SEMA6D: variants seen among roughly 807,000 people sequenced by gnomAD.
SEMA6D encodes semaphorin-6D.
Under a neutral mutation model 106.6 loss-of-function variants are expected in SEMA6D, and 35 were observed. The observed-to-expected ratio is 0.33, with a 90% CI of 0.25 to 0.44. The LOEUF is 0.44. Ranked by LOEUF, SEMA6D falls within the 20% of genes least tolerant of loss-of-function variation. The pLI, the probability that SEMA6D is intolerant of heterozygous loss-of-function variation, is 1.00. For synonymous variants in SEMA6D, 499 were observed against 487.7 expected (o/e 1.02, Z -0.31); for missense variants, 1,185 against 1,345.9 (o/e 0.88, Z 1.87).
chr15:47,354,375 A>G (rs930079500), intron 1 of SEMA6D, among the ~76,000 whole-genome samples: 4 of 107,910 alleles, frequency 3.7e-5, no homozygotes, highest in Non-Finnish European at 5.8e-5. Flanking sequence ...GAAAGCTTAT[A>G]TATATATATA....
At chr15:47,648,091 G>A (rs2077615551) in intron 4 of SEMA6D, among the ~76,000 whole-genome samples, 1 of 152,134 alleles carries the variant, frequency 6.6e-6, no homozygotes, top group African/African-American at 2.4e-5. Context: ...GATACTGTAT[G>A]TCTTTTTATG....
chr15:47,721,056 T>C (rs2079395028), intron 1 of SEMA6D, among the ~76,000 whole-genome samples: 3 of 152,222 alleles, frequency 2.0e-5, no homozygotes, highest in Non-Finnish European at 1.5e-5. Flanking sequence ...CTAGGCAGTA[T>C]TTACTGAATA....
intron 2 of SEMA6D, among the ~76,000 whole-genome samples, chr15:47,422,344 C>T (rs2041198991): frequency 1.3e-5 from 2 of 151,842 alleles, no homozygotes; most frequent in Non-Finnish European, 2.9e-5. Context: ...AATGAAACTC[C>T]AAACAGTAGA....
intron 4 of SEMA6D, among the ~76,000 whole-genome samples, chr15:47,634,178 TTC>T (rs2077340533): frequency 6.6e-6 from 1 of 152,146 alleles, no homozygotes; most frequent in African/African-American, 2.4e-5. Flanking sequence ...ATGTTTAACT[TTC>T]TGTTGGGCAC....
chr15:47,251,907 A>ATTTTTTTTTT (rs994788645), intron 1 of SEMA6D, among the ~76,000 whole-genome samples: 1 of 81,998 alleles, frequency 1.2e-5, no homozygotes, highest in East Asian at 5.1e-4. Flanking sequence ...TTCTAATTGG[A>ATTTTTTTTTT]TTTTTTTTTT....
Position 47,701,447 on chromosome 15 carries a change from A to T in SEMA6D, c.-54-58298A>T, listed in dbSNP as rs545398837. On this transcript the variant is annotated intron_variant, in intron 4 of 19. Transcript: ENST00000558014. ...ATACGTTCACTATATTTATTGTACAACATGGTGACTATAGTTAATAACAAT... is the reference window on the plus strand; with the variant it reads ...ATACGTTCACTATATTTATTGTACATCATGGTGACTATAGTTAATAACAAT... 9.2e-5 allele frequency among the ~76,000 whole-genome samples: 14 copies of T among 152,296 alleles called. No homozygotes were observed. The South Asian group carries it at 2.9e-3, about 32-fold the overall frequency.
intron 4 of SEMA6D, among the ~76,000 whole-genome samples, chr15:47,650,359 G>A (rs1596533182): frequency 6.6e-6 from 1 of 152,320 alleles, no homozygotes; most frequent in East Asian, 1.9e-4. Context: ...CTCTGTCCAA[G>A]AAACCGCTAT....
At chr15:47,309,223 T>C (rs2143014473) in intron 1 of SEMA6D, among the ~76,000 whole-genome samples, 1 of 152,360 alleles carries the variant, frequency 6.6e-6, no homozygotes, top group South Asian at 2.1e-4. Context: ...AAATATTAAA[T>C]GGAAATTCCA....
chr15:47,341,282 C>T (rs769138615), intron 1 of SEMA6D, among the ~76,000 whole-genome samples: 4 of 151,970 alleles, frequency 2.6e-5, no homozygotes, highest in African/African-American at 4.8e-5. Context: ...CCCAGCTACT[C>T]AGGAGGCTGA....
intron 1 of SEMA6D, among the ~76,000 whole-genome samples, chr15:47,358,211 A>C (rs1381455042): frequency 6.6e-6 from 1 of 152,170 alleles, no homozygotes; most frequent in Non-Finnish European, 1.5e-5. Context: ...AAGTCTTTGA[A>C]TAAAATGATG....
intron 1 of SEMA6D, among the ~76,000 whole-genome samples, chr15:47,306,387 C>A (rs1185819140): frequency 6.6e-6 from 1 of 152,034 alleles, no homozygotes; most frequent in Non-Finnish European, 1.5e-5. Context: ...AATATGTATT[C>A]ATTGTGAAAA....
intron 4 of SEMA6D, among the ~76,000 whole-genome samples, chr15:47,618,584 G>A (rs2077046369): frequency 6.6e-6 from 1 of 152,168 alleles, no homozygotes; most frequent in South Asian, 2.1e-4. Flanking sequence ...AGGGATTTTT[G>A]TGTGTTTTTC....
chr15:47,244,864 G>A (rs919189520), intron 1 of SEMA6D, among the ~76,000 whole-genome samples: 71 of 152,032 alleles, frequency 4.7e-4, no homozygotes, highest in African/African-American at 1.7e-3. Flanking sequence ...TCCCCCTCGC[G>A]GTAGTTCCAG....
intron 1 of SEMA6D, among the ~76,000 whole-genome samples, chr15:47,208,790 C>T (rs1034027746): frequency 3.3e-5 from 5 of 152,116 alleles, no homozygotes; most frequent in African/African-American, 1.2e-4. Context: ...TTCTGACTAC[C>T]AGATTGGTCT....
intron 1 of SEMA6D, among the ~76,000 whole-genome samples, chr15:47,282,324 C>G (rs896568332): frequency 1.3e-5 from 2 of 151,920 alleles, no homozygotes; most frequent in African/African-American, 4.8e-5. Context: ...GCAGTATGTG[C>G]TCTTTGTGTC....
rs145950107 is a variant in SEMA6D at position 47,666,868 on chromosome 15, C to T, written c.-55+65972C>T. 6.7e-3 allele frequency among the ~76,000 whole-genome samples: 1,015 copies of T among 152,272 alleles called. 14 individuals carry two copies. The highest frequency in any genetic ancestry group is 0.023 in the African/African-American group (948 of 41,564). ...CCATGGCCTTCACATGGCTCTTACA[C>T]GACCCTAAATAAGTTACCATGTAGG... On this transcript the variant is annotated intron_variant, in intron 4 of 19. Coordinates refer to the SEMA6D transcript ENST00000558014.
intron 4 of SEMA6D, among the ~76,000 whole-genome samples, chr15:47,608,597 C>T (rs1043420062): frequency 6.6e-6 from 1 of 152,104 alleles, no homozygotes; most frequent in Non-Finnish European, 1.5e-5. Flanking sequence ...AACTCATAAG[C>T]ATCAAATCAC....
chr15:47,251,180 A>G (rs2033492897), intron 1 of SEMA6D, among the ~76,000 whole-genome samples: 1 of 152,172 alleles, frequency 6.6e-6, no homozygotes, highest in African/African-American at 2.4e-5. Flanking sequence ...TTTCTGTAAG[A>G]TAGACTATAG....
chr15:47,353,964 T>C (rs12050859), intron 1 of SEMA6D, among the ~76,000 whole-genome samples: 14,877 of 152,070 alleles, frequency 0.098, 928 homozygotes, highest in African/African-American at 0.15. Flanking sequence ...TTGAAAGATA[T>C]GTTTCCTAAA....
Sources: gnomAD v4.1 joint callset for allele counts (sites outside exome capture counted in the v4.1 genomes callset) on GRCh38, gnomAD v4.1.1 for gene constraint, MANE v1.5 for transcripts, NCBI Gene and HGNC (gene_info 2026-07-23, HGNC 2026-07-21) for gene names.